The following MGAT4C variants were observed in gnomAD, a reference collection of about 807,000 sequenced individuals.
MGAT4C encodes the protein MGAT4 family member C.
A neutral mutation model predicts 40.1 loss-of-function variants in MGAT4C; 19 were observed. The ratio of observed to expected loss-of-function variants is 0.47; its 90% CI spans 0.33 to 0.70. The LOEUF is 0.70. Among genes scored for constraint, MGAT4C ranks in the 30% least tolerant of loss-of-function variants. The probability of loss-of-function intolerance (pLI) is 0.02; values close to 1 mark genes in which losing one functional copy is unlikely to be tolerated. For missense variants in MGAT4C, 491 were observed against 563.2 expected (o/e 0.87, Z 1.30); for synonymous variants, 181 against 187.1 (o/e 0.97, Z 0.27).
At chr12:86,332,541 T>C (rs1592707669) in intron 4 of MGAT4C, among the ~76,000 whole-genome samples, 1 of 152,172 alleles carries the variant, frequency 6.6e-6, no homozygotes, top group African/African-American at 2.4e-5. Context: ...CTATCTCATT[T>C]TACAACACAT....
chr12:86,577,768 A>C (rs978521848), intron 2 of MGAT4C, among the ~76,000 whole-genome samples: 1 of 151,610 alleles, frequency 6.6e-6, no homozygotes, highest in Non-Finnish European at 1.5e-5. Context: ...CTGTCATTTT[A>C]TTTCTTTTTG....
intron 4 of MGAT4C, among the ~76,000 whole-genome samples, chr12:86,330,364 C>T (rs1267559775): frequency 6.6e-6 from 1 of 152,150 alleles, no homozygotes; most frequent in Non-Finnish European, 1.5e-5. Flanking sequence ...TTCTCTGGGA[C>T]TTTATTGCTG....
chr12:86,573,499 TTTAG>T (rs1593000696), intron 2 of MGAT4C, among the ~76,000 whole-genome samples: 1 of 152,006 alleles, frequency 6.6e-6, no homozygotes, highest in African/African-American at 2.4e-5. Context: ...ACTGTTTGAT[TTTAG>T]TTAGTGACGT....
intron 3 of MGAT4C, among the ~76,000 whole-genome samples, chr12:86,369,526 G>C (rs936939465): frequency 1.3e-5 from 2 of 151,756 alleles, no homozygotes; most frequent in African/African-American, 4.8e-5. Context: ...TGGTTAACAT[G>C]GGGCTTGTAT....
At chr12:86,260,252 C>T (rs1952631785), upstream of MGAT4C, among the ~76,000 whole-genome samples, 1 of 152,138 alleles carries the variant, frequency 6.6e-6, no homozygotes, top group African/African-American at 2.4e-5. Context: ...TTGTCCACAG[C>T]TGGCTCCCAC....
chr12:86,344,888 C>T lies in MGAT4C; in HGVS notation c.-119-10761G>A, dbSNP rs1050080304. On this transcript the variant is annotated intron_variant, in intron 3 of 7. Coordinates refer to the MGAT4C transcript ENST00000548651. ...CATATTTAATCCATCAAACATAAGG[C>T]TTGCTTCCATTTAGTTTGTGACAAT... 5.3e-5 allele frequency among the ~76,000 whole-genome samples: 8 copies of T among 151,848 alleles called. No homozygotes were observed. The East Asian group carries it at 1.6e-3, about 29-fold the overall frequency.
At chr12:86,790,271 T>A (rs1200539439) in intron 1 of MGAT4C, among the ~76,000 whole-genome samples, 2 of 152,128 alleles carry the variant, frequency 1.3e-5, no homozygotes, top group African/African-American at 4.8e-5. Flanking sequence ...AAAACAAACA[T>A]GGTAGCCACA....
chr12:86,012,927 CAGGGTGGGCAACGTA>C (rs1888651352), intron 2 of MGAT4C, among the ~76,000 whole-genome samples: 1 of 151,218 alleles, frequency 6.6e-6, no homozygotes, highest in Non-Finnish European at 1.5e-5. Flanking sequence ...TGTTTGCGAC[CAGGGTGGGCAACGTA>C]GTGAGGCATC....
intron 3 of MGAT4C, among the ~76,000 whole-genome samples, chr12:85,988,363 G>A (rs1376631615): frequency 6.6e-6 from 1 of 152,074 alleles, no homozygotes; most frequent in South Asian, 2.1e-4. Flanking sequence ...TGACTCATAG[G>A]ATATAGCATA....
chr12:86,578,182 G>A (rs918743909), intron 2 of MGAT4C, among the ~76,000 whole-genome samples: 2 of 151,764 alleles, frequency 1.3e-5, no homozygotes, highest in Non-Finnish European at 1.5e-5. Flanking sequence ...AGTCGAATAG[G>A]AGGGTGAATG....
At chr12:86,594,837 G>T (rs1202653056) in intron 2 of MGAT4C, among the ~76,000 whole-genome samples, 2 of 152,266 alleles carry the variant, frequency 1.3e-5, no homozygotes, top group Non-Finnish European at 2.9e-5. Context: ...AGAGCTTCCT[G>T]CAATTACCTA....
At chr12:86,353,635 A>T (rs915162522) in intron 3 of MGAT4C, among the ~76,000 whole-genome samples, 24 of 152,304 alleles carry the variant, frequency 1.6e-4, no homozygotes, top group East Asian at 3.9e-4. Flanking sequence ...ATGAAGCTGC[A>T]TTTCCATGGT....
chr12:86,766,167 A>C (rs1951504113), intron 1 of MGAT4C, among the ~76,000 whole-genome samples: 1 of 152,132 alleles, frequency 6.6e-6, no homozygotes, highest in Non-Finnish European at 1.5e-5. Flanking sequence ...AAAAGGATGG[A>C]GGAAGATCAA....
At chr12:86,056,091 A>G (rs1893359904) in intron 1 of MGAT4C, among the ~76,000 whole-genome samples, 1 of 152,132 alleles carries the variant, frequency 6.6e-6, no homozygotes, top group African/African-American at 2.4e-5. Context: ...CTTCTGGATA[A>G]TTTTAATGAG....
chr12:86,222,426 T>C (rs1370526546), intron 1 of MGAT4C, among the ~76,000 whole-genome samples: 1 of 152,186 alleles, frequency 6.6e-6, no homozygotes, highest in Non-Finnish European at 1.5e-5. Flanking sequence ...TTTTTTCTAT[T>C]ATATTTTCCT....
chr12:86,641,674 G>GAT (rs1483456954), intron 2 of MGAT4C, among the ~76,000 whole-genome samples: 1 of 151,766 alleles, frequency 6.6e-6, no homozygotes, highest in Non-Finnish European at 1.5e-5. Flanking sequence ...TTACTGCAGA[G>GAT]ATATATAGGC....
intron 1 of MGAT4C, among the ~76,000 whole-genome samples, chr12:86,187,851 C>A (rs11103883): frequency 0.22 from 32,775 of 151,686 alleles, 3,701 homozygotes; most frequent in East Asian, 0.33. Context: ...TCATACAAAT[C>A]AATAATTAGT....
intron 1 of MGAT4C, among the ~76,000 whole-genome samples, chr12:86,764,216 G>C (rs554651704): frequency 3.9e-5 from 6 of 152,144 alleles, no homozygotes; most frequent in Admixed American, 2.0e-4. Context: ...ATTATATCCC[G>C]CACCTGGCTT....
chr12:85,992,499 G>A (rs941138588), intron 2 of MGAT4C, among the ~76,000 whole-genome samples: 8 of 152,106 alleles, frequency 5.3e-5, no homozygotes, highest in Admixed American at 3.3e-4. Context: ...TCTCTTTTGT[G>A]GCTGTCAAGG....
Sources: gnomAD v4.1 joint callset for allele counts (sites outside exome capture counted in the v4.1 genomes callset) on GRCh38, gnomAD v4.1.1 for gene constraint, MANE v1.5 for transcripts, NCBI Gene and HGNC (gene_info 2026-07-23, HGNC 2026-07-21) for gene names.